RARS2: variants seen among roughly 807,000 people sequenced by gnomAD.
The protein encoded by RARS2 is arginyl-tRNA synthetase 2, mitochondrial.
In RARS2, 67 loss-of-function variants were observed where a neutral mutation model predicts 88.5. The ratio of observed to expected loss-of-function variants is 0.76; its 90% confidence interval spans 0.62 to 0.93. The LOEUF (loss-of-function observed/expected upper bound fraction) is 0.93. Among genes scored for constraint, RARS2 ranks in the 40% least tolerant of loss-of-function variants. The pLI, the probability that RARS2 is intolerant of heterozygous loss-of-function variation, is 0.00. For synonymous variants in RARS2, 239 were observed against 230.3 expected (o/e 1.04, Z -0.34); for missense variants, 664 against 684.2 (o/e 0.97, Z 0.33).
intron 8 of RARS2, among the ~76,000 whole-genome samples, chr6:87,531,762 CA>C (rs1423631163): frequency 2.6e-5 from 4 of 152,120 alleles, no homozygotes; most frequent in Admixed American, 2.6e-4. Context: ...AATCATTTTT[CA>C]GTCTCCAAAA....
chr6:87,578,178 A>G (rs1439908049), intron 1 of RARS2, among the ~76,000 whole-genome samples: 1 of 151,922 alleles, frequency 6.6e-6, no homozygotes, highest in Non-Finnish European at 1.5e-5. Flanking sequence ...TAATGAGCAC[A>G]TGAGGAATAA....
chr6:87,552,681 A>T (rs1784739335), intron 5 of RARS2, among the ~76,000 whole-genome samples: 1 of 152,218 alleles, frequency 6.6e-6, no homozygotes, highest in Non-Finnish European at 1.5e-5. Context: ...GAGGAAAGCC[A>T]GGGAATCAAT....
intron 7 of RARS2, among the ~76,000 whole-genome samples, chr6:87,543,572 C>T (rs561722571): frequency 2.0e-5 from 3 of 151,536 alleles, no homozygotes; most frequent in Admixed American, 6.6e-5. Flanking sequence ...ACCTGGGAGG[C>T]GGAGGTTGCA....
At chr6:87,584,843 G>C (rs1774661455) in intron 1 of RARS2, 2 of 340,150 alleles carry the variant, frequency 5.9e-6, no homozygotes, top group South Asian at 2.3e-5. Context: ...ATATACCATA[G>C]AGAAGGGGTA....
At chr6:87,542,871 G>T (rs1005849016) in intron 7 of RARS2, among the ~76,000 whole-genome samples, 1 of 149,460 alleles carries the variant, frequency 6.7e-6, no homozygotes, top group Non-Finnish European at 1.5e-5. Context: ...GTTAAATGAC[G>T]AGTTAATGGG....
chr6:87,532,757 A>C (rs896347209), intron 8 of RARS2, among the ~76,000 whole-genome samples: 1 of 152,118 alleles, frequency 6.6e-6, no homozygotes, highest in African/African-American at 2.4e-5. Context: ...CGGGGGGAGG[A>C]GTGGTCTTAG....
chr6:87,519,494 C>A, intron 14 of RARS2, 89 bp downstream of exon 14: 2 of 1,404,702 alleles, frequency 1.4e-6, no homozygotes, highest in South Asian at 2.3e-5. Context: ...AATGGAGGGA[C>A]AGACATAATA....
At chr6:87,516,114 T>C (rs1001921793) in intron 18 of RARS2, among the ~76,000 whole-genome samples, 4 of 152,208 alleles carry the variant, frequency 2.6e-5, no homozygotes, top group Non-Finnish European at 4.4e-5. Context: ...TCAATACTTG[T>C]TGAGTAAAAG....
chr6:87,519,457 T>C (rs1773110304), intron 14 of RARS2, 126 bp downstream of exon 14: 1 of 1,055,444 alleles, frequency 9.5e-7, no homozygotes, highest in Non-Finnish European at 1.4e-6. Context: ...TAGTGAAAGG[T>C]ATTTTTGACA....
intron 10 of RARS2, among the ~76,000 whole-genome samples, chr6:87,528,836 T>C (rs1368563331): frequency 6.6e-6 from 1 of 152,216 alleles, no homozygotes; most frequent in Non-Finnish European, 1.5e-5. Flanking sequence ...CAATAATGCA[T>C]AGTACACTTG....
intron 8 of RARS2, among the ~76,000 whole-genome samples, chr6:87,535,477 T>A (rs1394491225): frequency 6.6e-6 from 1 of 152,074 alleles, no homozygotes; most frequent in African/African-American, 2.4e-5. Flanking sequence ...ATGGGGAAGC[T>A]CAGGGTCAAA....
At chr6:87,565,047 G>C (rs7740476) in intron 2 of RARS2, among the ~76,000 whole-genome samples, 10,950 of 152,176 alleles carry the variant, frequency 0.072, 551 homozygotes, top group African/African-American at 0.15. Flanking sequence ...GACAGAGCAA[G>C]ACCTAGTCTC....
intron 10 of RARS2, among the ~76,000 whole-genome samples, chr6:87,525,338 AAT>A (rs1775315601): frequency 1.3e-5 from 2 of 152,216 alleles, no homozygotes; most frequent in South Asian, 4.1e-4. Context: ...CAAGAAACAA[AAT>A]TAAAGGCATC....
chr6:87,548,479 T>A, intron 6 of RARS2, 112 bp downstream of exon 6: 1 of 1,073,300 alleles, frequency 9.3e-7, no homozygotes, highest in East Asian at 2.7e-5. Flanking sequence ...CATATAAATT[T>A]AAACTTTTTG....
intron 17 of RARS2, 76 bp from the exon 18 acceptor site, chr6:87,516,956 G>A: frequency 6.3e-7 from 1 of 1,591,938 alleles, no homozygotes; most frequent in Non-Finnish European, 8.6e-7. Context: ...AAAAGATTGT[G>A]AATATAAGGT....
Position 87,518,805 on chromosome 6 carries a change from G to A in RARS2, c.1305+19C>T, listed in dbSNP as rs374122988. ...TAGTACCAAACAAAAGGGCCTCACA[G>A]GTAGGAGTCTTAACAGACCTGAATA... On this transcript the variant is annotated intron_variant, in intron 15 of 19. Coordinates refer to ENST00000369536, the MANE Select transcript of RARS2 (RefSeq NM_020320.5). The A allele has an allele frequency of 4.5e-5, 72 of 1,613,246 alleles. No individual in the cohort carries two copies. The highest frequency in any genetic ancestry group is 9.3e-5 in the African/African-American group (7 of 74,900).
chr6:87,531,402 T>C (rs1030962069), intron 8 of RARS2, among the ~76,000 whole-genome samples: 1 of 152,152 alleles, frequency 6.6e-6, no homozygotes, highest in East Asian at 1.9e-4. Context: ...CTGAAAAAGG[T>C]TGAATAAAGT....
intron 1 of RARS2, among the ~76,000 whole-genome samples, chr6:87,584,480 G>A (rs538766221): frequency 6.6e-6 from 1 of 152,260 alleles, no homozygotes; most frequent in East Asian, 1.9e-4. Context: ...ATAAATAGTA[G>A]TTATTATAAT....
intron 8 of RARS2, among the ~76,000 whole-genome samples, chr6:87,541,325 G>A (rs1389383658): frequency 1.3e-5 from 2 of 151,984 alleles, no homozygotes; most frequent in Non-Finnish European, 2.9e-5. Context: ...TACAGGCACA[G>A]GCCACTGTGC....
Sources: allele counts gnomAD v4.1 joint callset (sites outside exome capture counted in the v4.1 genomes callset), GRCh38; gene constraint gnomAD v4.1.1; transcripts MANE v1.5; gene names NCBI Gene and HGNC (gene_info 2026-07-23, HGNC 2026-07-21).